MYO16: variants seen among roughly 807,000 people sequenced by gnomAD.
The protein encoded by MYO16 is myosin XVI, also known as unconventional myosin-XVI.
MYO16 carries 94 observed loss-of-function variants against 205.3 expected under a neutral mutation model. The ratio of observed to expected loss-of-function variants is 0.46; its 90% CI spans 0.39 to 0.54. The LOEUF (loss-of-function observed/expected upper bound fraction) is 0.54, where lower values mean the gene tolerates loss of function less well. MYO16 is among the 20% of genes least tolerant of loss of function. The probability of loss-of-function intolerance (pLI) is 0.00; values close to 1 mark genes in which losing one functional copy is unlikely to be tolerated. For missense variants in MYO16, 2,315 were observed against 2,387.5 expected, an observed-to-expected ratio of 0.97 and a Z score of 0.63; for synonymous variants, 988 against 954.0, an observed-to-expected ratio of 1.04 and a Z score of -0.66.
intron 32 of MYO16, among the ~76,000 whole-genome samples, chr13:109,164,530 A>C (rs1332146987): frequency 2.0e-5 from 3 of 152,168 alleles, no homozygotes; most frequent in African/African-American, 7.2e-5. Flanking sequence ...ATTTTTTCCA[A>C]AGCTGTAAGA....
intron 16 of MYO16, among the ~76,000 whole-genome samples, chr13:108,910,413 T>C (rs1881201291): frequency 6.6e-6 from 1 of 152,202 alleles, no homozygotes. Context: ...CCTATACTCC[T>C]TTTAAGTATT....
intron 4 of MYO16, among the ~76,000 whole-genome samples, chr13:108,740,690 A>G (rs1884876128): frequency 6.6e-6 from 1 of 152,134 alleles, no homozygotes; most frequent in Non-Finnish European, 1.5e-5. Flanking sequence ...AAATCTGCAG[A>G]GGTTTCTGCT....
intron 10 of MYO16, among the ~76,000 whole-genome samples, chr13:108,853,077 A>G (rs1366461677): frequency 1.3e-5 from 2 of 152,206 alleles, no homozygotes; most frequent in African/African-American, 2.4e-5. Flanking sequence ...AGAATTAAAA[A>G]CTGCCTGGAT....
chr13:108,719,205 C>G (rs9559395), intron 3 of MYO16, among the ~76,000 whole-genome samples: 4,050 of 152,246 alleles, frequency 0.027, 115 homozygotes, highest in East Asian at 0.14. Flanking sequence ...AGAATTATAG[C>G]TCCCCTAAGG....
At chr13:109,096,047 AT>A (rs1279624291) in intron 27 of MYO16, among the ~76,000 whole-genome samples, 2 of 152,218 alleles carry the variant, frequency 1.3e-5, no homozygotes, top group Non-Finnish European at 2.9e-5. Flanking sequence ...CCTGGGTTCA[AT>A]TCCAGCTCAG....
the MYO16 span, among the ~76,000 whole-genome samples, chr13:108,496,197 G>GCGTA: frequency 0.031 from 4,684 of 152,270 alleles, 208 homozygotes; most frequent in African/African-American, 0.11. Context: ...CCGCTAGGAC[G>GCGTA]CGTAAGCCGA....
chr13:108,973,512 A>G (rs750489745), intron 20 of MYO16, among the ~76,000 whole-genome samples: 5 of 152,198 alleles, frequency 3.3e-5, no homozygotes, highest in Admixed American at 2.0e-4. Flanking sequence ...AGCCAATGTG[A>G]GATTTCCTAG....
intron 4 of MYO16, among the ~76,000 whole-genome samples, chr13:108,737,538 G>A (rs1566579242): frequency 6.6e-6 from 1 of 152,172 alleles, no homozygotes; most frequent in Non-Finnish European, 1.5e-5. Context: ...GATTCGGTTT[G>A]CCAGTATTTT....
At chr13:108,972,771 G>GT (rs1884102907) in intron 20 of MYO16, among the ~76,000 whole-genome samples, 2 of 151,834 alleles carry the variant, frequency 1.3e-5, no homozygotes, top group Non-Finnish European at 1.5e-5. Flanking sequence ...GTGGTTTGTG[G>GT]TTTTTTAGTA....
intron 33 of MYO16, among the ~76,000 whole-genome samples, chr13:109,173,559 GA>G (rs1879004620): frequency 6.6e-6 from 1 of 152,132 alleles, no homozygotes; most frequent in Non-Finnish European, 1.5e-5. Context: ...ACAGAGGAAA[GA>G]AACAATTATG....
intron 6 of MYO16, among the ~76,000 whole-genome samples, chr13:108,796,884 C>T (rs1442128646): frequency 6.6e-6 from 1 of 150,958 alleles, no homozygotes; most frequent in African/African-American, 2.4e-5. Context: ...CAAACCTGCA[C>T]GTTGTGCACA....
intron 4 of MYO16, among the ~76,000 whole-genome samples, chr13:108,771,186 T>C (rs1219700768): frequency 6.6e-6 from 1 of 152,170 alleles, no homozygotes; most frequent in Non-Finnish European, 1.5e-5. Flanking sequence ...TCTATATAGA[T>C]ATATACACGG....
intron 3 of MYO16, among the ~76,000 whole-genome samples, chr13:108,716,018 C>A (rs1289140789): frequency 2.0e-5 from 3 of 151,648 alleles, no homozygotes; most frequent in African/African-American, 7.3e-5. Context: ...TCATAACATA[C>A]ACTCCTTGCT....
intron 20 of MYO16, among the ~76,000 whole-genome samples, chr13:108,973,736 T>G (rs2139397793): frequency 6.6e-6 from 1 of 152,316 alleles, no homozygotes; most frequent in South Asian, 2.1e-4. Context: ...CATTCATCCC[T>G]AGCATCTGAC....
In MYO16 at chr13:108,806,759, T is replaced by C. The variant is rs201550165; in HGVS notation, c.822T>C (p.Asp274=). 3 of 1,613,204 alleles carry C rather than the reference T, an allele frequency of 1.9e-6. No individual in the cohort carries two copies. The highest frequency in any genetic ancestry group is 2.7e-5 in the African/African-American group (2 of 75,036). ...LEHGGDLNIV[D]DQYWTPLHLA... is the part of the protein sequence containing the mutation. The stretch of plus-strand genomic sequence containing the variant: ...ATGGTGGAGACCTCAACATAGTAGA[T>C]GATCAGTACTGGACTCCCCTCCACT... Residue 274 remains aspartate, a synonymous_variant, in exon 7 of 35, where the codon GAT becomes GAC. Coordinates refer to ENST00000457511, the MANE Select transcript of MYO16 (RefSeq NM_001198950.3).
At chr13:108,832,301 C>A (rs552004001) in intron 9 of MYO16, among the ~76,000 whole-genome samples, 86 of 151,892 alleles carry the variant, frequency 5.7e-4, no homozygotes, top group Non-Finnish European at 9.0e-4. Context: ...CACCACCGTG[C>A]CCAGCTAATT....
At chr13:108,700,979 G>A (rs1353666226) in intron 2 of MYO16, among the ~76,000 whole-genome samples, 1 of 152,102 alleles carries the variant, frequency 6.6e-6, no homozygotes, top group Non-Finnish European at 1.5e-5. Flanking sequence ...GAGCACCACA[G>A]GAATGCCCCA....
At chr13:109,081,238 G>T (rs967645027) in intron 27 of MYO16, among the ~76,000 whole-genome samples, 1 of 152,052 alleles carries the variant, frequency 6.6e-6, no homozygotes, top group Non-Finnish European at 1.5e-5. Flanking sequence ...AAATTAAGAA[G>T]TCATCTCAAA....
chr13:108,844,050 C>G (rs1052169613), intron 9 of MYO16, among the ~76,000 whole-genome samples: 2 of 152,034 alleles, frequency 1.3e-5, no homozygotes, highest in African/African-American at 4.8e-5. Context: ...AATCCCAGCT[C>G]TTAAGTTGTT....
Sources: gnomAD v4.1 joint callset for allele counts (sites outside exome capture counted in the v4.1 genomes callset) on GRCh38, gnomAD v4.1.1 for gene constraint, MANE v1.5 for transcripts, NCBI Gene and HGNC (gene_info 2026-07-23, HGNC 2026-07-21) for gene names.